IPP: variants seen among roughly 807,000 people sequenced by gnomAD.
IPP encodes the protein intracisternal A particle-promoted polypeptide.
In IPP, 41 loss-of-function variants were observed where a neutral mutation model predicts 64.1. The ratio of observed to expected loss-of-function variants is 0.64; its 90% CI spans 0.50 to 0.83. The LOEUF (loss-of-function observed/expected upper bound fraction) is 0.83, where lower values mean the gene tolerates loss of function less well. Ranked by LOEUF, IPP falls within the 40% of genes least tolerant of loss-of-function variation. IPP has a pLI of 0.00. For synonymous variants in IPP, 214 were observed against 235.2 expected (o/e 0.91, Z 0.83); for missense variants, 649 against 703.0 (o/e 0.92, Z 0.87).
chr1:45,710,336 G>A (rs1217205340), intron 8 of IPP, among the ~76,000 whole-genome samples: 3 of 131,088 alleles, frequency 2.3e-5, no homozygotes, highest in East Asian at 2.7e-4. Flanking sequence ...AAACATATGG[G>A]TAATTATAAA....
chr1:45,712,704 C>A (rs1480357576), intron 8 of IPP, among the ~76,000 whole-genome samples: 1 of 151,338 alleles, frequency 6.6e-6, no homozygotes, highest in Non-Finnish European at 1.5e-5. Flanking sequence ...AAAAATACAA[C>A]AAAAATTAGC....
intron 5 of IPP, among the ~76,000 whole-genome samples, chr1:45,726,994 AG>A (rs1310097250): frequency 6.6e-6 from 1 of 151,846 alleles, no homozygotes; most frequent in Admixed American, 6.6e-5. Context: ...CCAAAGTGCT[AG>A]GAGGGATTAC....
intron 8 of IPP, among the ~76,000 whole-genome samples, chr1:45,700,741 T>TAGA (rs1318869343): frequency 1.3e-5 from 2 of 152,206 alleles, no homozygotes; most frequent in Non-Finnish European, 2.9e-5. Context: ...GGAAATGACC[T>TAGA]AGAACTCATA....
At chr1:45,722,843 A>G (rs1340241469) in intron 5 of IPP, among the ~76,000 whole-genome samples, 1 of 152,266 alleles carries the variant, frequency 6.6e-6, no homozygotes, top group Non-Finnish European at 1.5e-5. Context: ...AAGTACTGAT[A>G]CGTGTTATGA....
rs568854682 is a variant in IPP at position 45,737,793 on chromosome 1, TTTGA to T, written c.724+3104_724+3107del. On this transcript the variant is annotated intron_variant, in intron 3 of 8. Transcript: ENST00000396478. Reference sequence around the variant, plus strand: ...CACAGTTCTTAAGTTTTACATTAGTTTTGATTAACAGCCTAACACTGTAACACAA... The same window carrying T: ...CACAGTTCTTAAGTTTTACATTAGTTTTAACAGCCTAACACTGTAACACAA... Among the ~76,000 whole-genome samples, 553 of 152,266 alleles carry T rather than the reference TTTGA, an allele frequency of 3.6e-3. 4 individuals are homozygous for T. Among genetic ancestry groups the T allele is most frequent in the Non-Finnish European group, 6.9e-3 (467 of 68,010 alleles).
chr1:45,700,311 G>A (rs922477433), intron 8 of IPP, 121 bp from the exon 9 acceptor site: 7 of 1,345,214 alleles, frequency 5.2e-6, no homozygotes, highest in African/African-American at 2.9e-5. Context: ...TATCTAGTCA[G>A]GTAAGCATAC....
Position 45,725,783 on chromosome 1 carries a change from C to G in IPP, c.1048+1848G>C, listed in dbSNP as rs1277111740. 2.1e-5 allele frequency among the ~76,000 whole-genome samples: 3 copies of G among 140,098 alleles called. 1 individual carries two copies. The highest frequency in any genetic ancestry group is 1.5e-4 in the Admixed American group (2 of 13,536). 91.9% of individuals were successfully genotyped at this position (140,098 alleles called of 152,430 possible). ...GCCTTGGGATCCTGTTGATCTGTGA[C>G]CTTACCCCCAACCCTGTGCTCTCTG... On this transcript the variant is annotated intron_variant, in intron 5 of 8. Transcript: ENST00000396478.
rs898114048 is a variant in IPP, at chr1:45,716,922, A to G, written c.1282T>C (p.Tyr428His). ...TGCATTTCACAGCACCCAAAGTAGT[A>G]GCGTGACACAGCCATGTTACCAACT... is the stretch of plus-strand genomic sequence containing the variant. ...EVVGNMAVSRYYFGCCEMQGL... is the reference protein window; with the variant it reads ...EVVGNMAVSRHYFGCCEMQGL... The change falls in exon 7 of 9, where the codon TAC (tyrosine) becomes CAC (histidine). Residue 428 changes from tyrosine to histidine, a missense_variant. By Grantham distance (83) the Tyr-to-His change is moderately conservative. Coordinates refer to ENST00000396478, the MANE Select transcript of IPP (RefSeq NM_005897.3). 4 of 1,612,892 alleles carry G rather than the reference A, an allele frequency of 2.5e-6. No individual in the cohort carries two copies. The African/African-American group carries it at 5.3e-5, about 22-fold the overall frequency.
chr1:45,729,015 G>A (rs1037193782), intron 4 of IPP, among the ~76,000 whole-genome samples: 1 of 150,812 alleles, frequency 6.6e-6, no homozygotes, highest in Admixed American at 6.6e-5. Flanking sequence ...GCATGGTGGC[G>A]CATGCCTGTA....
chr1:45,735,839 C>T (rs557226390), intron 3 of IPP, among the ~76,000 whole-genome samples: 33 of 120,338 alleles, frequency 2.7e-4, no homozygotes, highest in Non-Finnish European at 4.0e-4. Context: ...AGGCCAGGCG[C>T]GGTGTCTCAC....
intron 4 of IPP, among the ~76,000 whole-genome samples, chr1:45,728,786 C>A (rs1267669051): frequency 1.3e-5 from 2 of 151,974 alleles, no homozygotes; most frequent in Non-Finnish European, 2.9e-5. Flanking sequence ...CATGAGCCAC[C>A]ACATCCAGAT....
At chr1:45,744,152 T>C (rs867767103) in intron 2 of IPP, among the ~76,000 whole-genome samples, 3 of 152,124 alleles carry the variant, frequency 2.0e-5, no homozygotes, top group Non-Finnish European at 4.4e-5. Context: ...TTCACATAGT[T>C]TTTCTCTCTC....
intron 1 of IPP, among the ~76,000 whole-genome samples, chr1:45,749,607 G>A (rs1249234975): frequency 1.4e-5 from 2 of 145,482 alleles, no homozygotes; most frequent in Non-Finnish European, 3.0e-5. Context: ...TGCAAGCTCC[G>A]CCTCCCGGGT....
chr1:45,704,559 A>G (rs1303382684), intron 8 of IPP, among the ~76,000 whole-genome samples: 3 of 152,162 alleles, frequency 2.0e-5, no homozygotes, highest in African/African-American at 7.2e-5. Context: ...TAACTGACAG[A>G]AAAGGTATTT....
chr1:45,706,538 C>T (rs1450726386), intron 8 of IPP, among the ~76,000 whole-genome samples: 1 of 152,186 alleles, frequency 6.6e-6, no homozygotes, highest in Non-Finnish European at 1.5e-5. Flanking sequence ...CAACCTCTGC[C>T]TTCCAGGTTG....
At chr1:45,716,780 T>A in intron 7 of IPP, 115 bp downstream of exon 7, 1 of 773,986 alleles carries the variant, frequency 1.3e-6, no homozygotes, top group Non-Finnish European at 2.1e-6. Context: ...ATGCTGCTAG[T>A]ATCAGTCATT....
At chr1:45,744,921 C>T (rs1646114909) in intron 2 of IPP, among the ~76,000 whole-genome samples, 1 of 151,960 alleles carries the variant, frequency 6.6e-6, no homozygotes, top group Admixed American at 6.6e-5. Context: ...ATTAGTCAGG[C>T]ATGGTGGCAC....
chr1:45,734,483 G>A (rs1228984484), intron 3 of IPP, among the ~76,000 whole-genome samples: 1 of 151,280 alleles, frequency 6.6e-6, no homozygotes, highest in African/African-American at 2.4e-5. Flanking sequence ...TGTTGCTCAG[G>A]CTGGAGTGCA....
Position 45,714,423 on chromosome 1 carries a change from T to C in IPP, c.1353A>G (p.Glu451=). The change falls in exon 8 of 9, where the codon GAA becomes GAG. Residue 451 remains glutamate, a synonymous_variant. Transcript: ENST00000396478. ...VIGGISNEGI[E]LRSFEVYDPL... ...GATCATAGACTTCAAAAGAACGAAG[T>C]TCTATTCCTTCATTGCTGATGCCCC... The C allele has an allele frequency of 1.2e-6, 2 of 1,614,028 alleles. No homozygotes were observed. The highest frequency in any genetic ancestry group is 2.2e-5 in the East Asian group (1 of 44,874).
Sources: allele counts gnomAD v4.1 joint callset (sites outside exome capture counted in the v4.1 genomes callset), GRCh38; gene constraint gnomAD v4.1.1; transcripts MANE v1.5; gene names NCBI Gene and HGNC (gene_info 2026-07-23, HGNC 2026-07-21).